The following MAGI1 variants were observed in gnomAD, a reference collection of about 807,000 sequenced individuals.
The protein encoded by MAGI1 is membrane-associated guanylate kinase, WW and PDZ domain-containing protein 1.
In MAGI1, 58 loss-of-function variants were observed where a neutral mutation model predicts 139.9. That is an observed-to-expected ratio of 0.41 (90% CI 0.34 to 0.52). The LOEUF (loss-of-function observed/expected upper bound fraction) is 0.52, where lower values mean the gene tolerates loss of function less well. Among genes scored for constraint, MAGI1 ranks in the 20% least tolerant of loss-of-function variants. The pLI is 0.12. For missense variants in MAGI1, 1,874 were observed against 1,901.6 expected, an observed-to-expected ratio of 0.99 and a Z score of 0.27; for synonymous variants, 812 against 737.9, an observed-to-expected ratio of 1.10 and a Z score of -1.63.
At chr3:65,892,014 A>AC (rs2060791676) in intron 1 of MAGI1, among the ~76,000 whole-genome samples, 1 of 143,948 alleles carries the variant, frequency 6.9e-6, no homozygotes, top group Non-Finnish European at 1.5e-5. Context: ...AATGAGATAC[A>AC]CCCCCTCCCA....
chr3:65,893,414 G>A (rs264667), intron 1 of MAGI1, among the ~76,000 whole-genome samples: 2 of 151,054 alleles, frequency 1.3e-5, no homozygotes, highest in Middle Eastern at 6.8e-3. Flanking sequence ...TTTACATAAC[G>A]CCTTTAAAAA....
intron 3 of MAGI1, among the ~76,000 whole-genome samples, chr3:65,492,460 T>G (rs1952110320): frequency 6.6e-6 from 1 of 152,194 alleles, no homozygotes; most frequent in Admixed American, 6.5e-5. Context: ...GTTAAATAAA[T>G]TACGGTATGC....
intron 16 of MAGI1, among the ~76,000 whole-genome samples, chr3:65,379,920 C>T (rs1344896408): frequency 6.6e-6 from 1 of 152,042 alleles, no homozygotes; most frequent in Non-Finnish European, 1.5e-5. Context: ...GTGAGGGCTA[C>T]ACCCGTGAAG....
chr3:65,509,675 T>A (rs62255286), intron 2 of MAGI1, among the ~76,000 whole-genome samples: 1 of 152,014 alleles, frequency 6.6e-6, no homozygotes, highest in Non-Finnish European at 1.5e-5. Context: ...TCTCGCTGAT[T>A]GCTAGCACAG....
intron 1 of MAGI1, among the ~76,000 whole-genome samples, chr3:65,946,602 T>A (rs757220599): frequency 6.6e-6 from 1 of 151,998 alleles, no homozygotes; most frequent in Non-Finnish European, 1.5e-5. Flanking sequence ...TTCAGTGAGC[T>A]GCTGGTTATG....
At chr3:65,821,687 T>C (rs1489478430) in intron 1 of MAGI1, among the ~76,000 whole-genome samples, 1 of 152,170 alleles carries the variant, frequency 6.6e-6, no homozygotes, top group Non-Finnish European at 1.5e-5. Flanking sequence ...CTACAGCCAA[T>C]GTCAAACCAA....
intron 14 of MAGI1, among the ~76,000 whole-genome samples, chr3:65,384,278 ATTCAAC>A (rs1358506208): frequency 6.6e-6 from 1 of 152,220 alleles, no homozygotes; most frequent in Non-Finnish European, 1.5e-5. Flanking sequence ...GCATCCTTAG[ATTCAAC>A]CAATCACAGA....
At chr3:65,502,137 G>A (rs925994191) in intron 2 of MAGI1, among the ~76,000 whole-genome samples, 7 of 152,184 alleles carry the variant, frequency 4.6e-5, no homozygotes, top group South Asian at 2.1e-4. Context: ...CGCACACCAC[G>A]AATGGTGATT....
intron 13 of MAGI1, among the ~76,000 whole-genome samples, chr3:65,396,339 T>C (rs1944392945): frequency 6.6e-6 from 1 of 152,176 alleles, no homozygotes; most frequent in African/African-American, 2.4e-5. Context: ...TTAAAAAAAT[T>C]CCATAAAGGT....
rs2083703367 is a variant in MAGI1, at chr3:65,622,108, T to C, written c.314-20A>G. 2 of 1,525,800 alleles carry C rather than the reference T, an allele frequency of 1.3e-6. No individual in the cohort carries two copies. The highest frequency in any genetic ancestry group is 1.7e-5 in the Admixed American group (1 of 59,870). The allele number at this position is 1,525,800 out of a possible 1,614,324, so 94.5% of individuals were successfully genotyped here. A position where few individuals can be genotyped will look rare whatever the true frequency, so the allele number is the denominator to read the frequency against. ...TTCCTCCTGCAGGAAATACATAAAATAGACATACCACATCAACACAGGGCC... is the reference window on the plus strand; with the variant it reads ...TTCCTCCTGCAGGAAATACATAAAACAGACATACCACATCAACACAGGGCC... On this transcript the variant is annotated intron_variant, in intron 1 of 22. Transcript: ENST00000402939.
Position 65,670,795 on chromosome 3 carries a change from A to G in MAGI1, c.314-48707T>C, listed in dbSNP as rs149843811. ...AAACTGGGCAAATTTGCTACTTATCACTCTTACTAGATATAAACAGAAAAA... is the reference window on the plus strand; with the variant it reads ...AAACTGGGCAAATTTGCTACTTATCGCTCTTACTAGATATAAACAGAAAAA... On this transcript the variant is annotated intron_variant, in intron 1 of 22. Transcript: ENST00000402939. 6.5e-3 allele frequency among the ~76,000 whole-genome samples: 989 copies of G among 152,232 alleles called. 17 individuals are homozygous for G. The highest frequency in any genetic ancestry group is 0.018 in the South Asian group (86 of 4,820).
intron 2 of MAGI1, among the ~76,000 whole-genome samples, chr3:65,601,858 T>A (rs1329554419): frequency 2.0e-5 from 3 of 152,166 alleles, no homozygotes; most frequent in African/African-American, 4.8e-5. Context: ...AGCATTTATC[T>A]GATAAGGTCC....
intron 1 of MAGI1, among the ~76,000 whole-genome samples, chr3:65,798,942 G>T (rs1052652271): frequency 6.6e-6 from 1 of 152,130 alleles, no homozygotes; most frequent in Admixed American, 6.5e-5. Flanking sequence ...GGCCACCTCA[G>T]TGAGCAGGTC....
intron 1 of MAGI1, among the ~76,000 whole-genome samples, chr3:65,982,611 G>A (rs931721283): frequency 1.3e-5 from 2 of 152,140 alleles, no homozygotes; most frequent in South Asian, 2.1e-4. Flanking sequence ...CTGCCATTAC[G>A]AGACAATTAT....
At chr3:65,548,308 T>G (rs2079599431) in intron 2 of MAGI1, among the ~76,000 whole-genome samples, 1 of 152,078 alleles carries the variant, frequency 6.6e-6, no homozygotes, top group South Asian at 2.1e-4. Flanking sequence ...AGCATCCCAA[T>G]GAGGGACAAG....
intron 1 of MAGI1, among the ~76,000 whole-genome samples, chr3:65,655,109 T>G (rs2085797765): frequency 6.6e-6 from 1 of 152,128 alleles, no homozygotes. Context: ...TTACACACAG[T>G]GTGTCTTCCT....
chr3:65,868,053 G>A (rs547296721), intron 1 of MAGI1, among the ~76,000 whole-genome samples: 2 of 152,142 alleles, frequency 1.3e-5, no homozygotes, highest in African/African-American at 2.4e-5. Context: ...TGAATTCTTA[G>A]GGTCCATATG....
At chr3:65,920,907 T>C (rs2062146642) in intron 1 of MAGI1, among the ~76,000 whole-genome samples, 1 of 151,924 alleles carries the variant, frequency 6.6e-6, no homozygotes, top group Non-Finnish European at 1.5e-5. Context: ...CGGGCACCTG[T>C]AATCCCAGCT....
In MAGI1 at chr3:65,643,518, G is replaced by A. The variant is rs537640037; in HGVS notation, c.314-21430C>T. Among the ~76,000 whole-genome samples, 11 of 152,246 alleles carry A rather than the reference G, an allele frequency of 7.2e-5. No individual in the cohort carries two copies. In the South Asian group the frequency reaches 2.3e-3, roughly 32 times the overall value. ...ATTAAGAAGATGTCTGAAATGTAAAGAGAAAAAGGCAGACCAACTAGGAAC... is the reference window on the plus strand; with the variant it reads ...ATTAAGAAGATGTCTGAAATGTAAAAAGAAAAAGGCAGACCAACTAGGAAC... On this transcript the variant is annotated intron_variant, in intron 1 of 22. Coordinates refer to ENST00000402939, the MANE Select transcript of MAGI1 (RefSeq NM_001033057.2).
Sources: gnomAD v4.1 joint callset for allele counts (sites outside exome capture counted in the v4.1 genomes callset) on GRCh38, gnomAD v4.1.1 for gene constraint, MANE v1.5 for transcripts, NCBI Gene and HGNC (gene_info 2026-07-23, HGNC 2026-07-21) for gene names.